PITPNC1: variants seen among roughly 807,000 people sequenced by gnomAD.
The protein encoded by PITPNC1 is phosphatidylinositol transfer protein cytoplasmic 1.
In PITPNC1, 18 loss-of-function variants were observed where a neutral mutation model predicts 44.7. The ratio of observed to expected loss-of-function variants is 0.40; its 90% CI spans 0.28 to 0.60. The LOEUF (loss-of-function observed/expected upper bound fraction) is 0.60, where lower values mean the gene tolerates loss of function less well. Among genes scored for constraint, PITPNC1 ranks in the 20% least tolerant of loss-of-function variants. The pLI, the probability that PITPNC1 is intolerant of heterozygous loss-of-function variation, is 0.39. For synonymous variants in PITPNC1, 141 were observed against 149.6 expected, an observed-to-expected ratio of 0.94 and a Z score of 0.42; for missense variants, 290 against 418.4, an observed-to-expected ratio of 0.69 and a Z score of 2.68.
At chr17:67,482,349 A>G (rs1034326227) in intron 1 of PITPNC1, among the ~76,000 whole-genome samples, 4 of 152,234 alleles carry the variant, frequency 2.6e-5, no homozygotes, top group Admixed American at 6.5e-5. Flanking sequence ...AAAAGCATAG[A>G]GAGTTTTTTT....
chr17:67,529,161 G>C (rs1253612592), intron 1 of PITPNC1, among the ~76,000 whole-genome samples: 1 of 152,148 alleles, frequency 6.6e-6, no homozygotes, highest in African/African-American at 2.4e-5. Context: ...GAGGCCGGCC[G>C]CCCAGCCCTC....
intron 5 of PITPNC1, among the ~76,000 whole-genome samples, chr17:67,631,053 G>A (rs12951258): frequency 0.4 from 51,197 of 127,192 alleles, 11,315 homozygotes; most frequent in Non-Finnish European, 0.52. Flanking sequence ...TGTTGTTGTT[G>A]TTATTATTAT....
intron 1 of PITPNC1, among the ~76,000 whole-genome samples, chr17:67,513,408 C>T (rs374537994): frequency 1.2e-4 from 15 of 129,946 alleles, no homozygotes; most frequent in African/African-American, 4.4e-4. Flanking sequence ...TCTATATCTA[C>T]ATCTACATAT....
intron 5 of PITPNC1, among the ~76,000 whole-genome samples, chr17:67,629,098 C>T (rs1185971733): frequency 1.3e-5 from 2 of 152,184 alleles, no homozygotes; most frequent in African/African-American, 2.4e-5. Flanking sequence ...GAGAAAGCTA[C>T]ATAACCTGTC....
Position 67,596,180 on chromosome 17 carries a change from C to T in PITPNC1, c.366+17923C>T, listed in dbSNP as rs768749465. 7.2e-5 allele frequency among the ~76,000 whole-genome samples: 11 copies of T among 152,214 alleles called. No individual in the cohort carries two copies. In the East Asian group the frequency reaches 1.5e-3, roughly 21 times the overall value. On this transcript the variant is annotated intron_variant, in intron 5 of 8. Transcript: ENST00000581322. ...TATGAAACATATTAAGGAACGTCCT[C>T]GGGAATGAAGGACACTGGAAAGACT... is the stretch of plus-strand genomic sequence containing the variant.
intron 1 of PITPNC1, among the ~76,000 whole-genome samples, chr17:67,480,377 A>G (rs576088249): frequency 6.6e-6 from 1 of 152,326 alleles, no homozygotes; most frequent in South Asian, 2.1e-4. Context: ...ATAATTTGAC[A>G]GATATGTAAA....
At chr17:67,425,186 T>TGCGC (rs1386197600) in intron 1 of PITPNC1, among the ~76,000 whole-genome samples, 679 of 55,640 alleles carry the variant, frequency 0.012, 50 homozygotes, top group African/African-American at 0.018. Context: ...AGCCATGTTG[T>TGCGC]GCGCGCGCAC....
intron 1 of PITPNC1, among the ~76,000 whole-genome samples, chr17:67,446,271 C>T (rs989723939): frequency 1.3e-5 from 2 of 151,772 alleles, no homozygotes; most frequent in African/African-American, 4.8e-5. Context: ...TCTCTGTGTG[C>T]GCATGTCCTG....
chr17:67,615,773 C>T (rs1364619071), intron 5 of PITPNC1, among the ~76,000 whole-genome samples: 4 of 152,074 alleles, frequency 2.6e-5, no homozygotes, highest in Non-Finnish European at 4.4e-5. Flanking sequence ...GAAATTGGAG[C>T]TATTTTTAAG....
chr17:67,626,394 A>G (rs1032270936), intron 5 of PITPNC1, among the ~76,000 whole-genome samples: 1 of 152,138 alleles, frequency 6.6e-6, no homozygotes, highest in Non-Finnish European at 1.5e-5. Context: ...TATTTGAGAC[A>G]AAGTCTTGCC....
chr17:67,462,534 A>C (rs1040943866), intron 1 of PITPNC1, among the ~76,000 whole-genome samples: 26 of 151,424 alleles, frequency 1.7e-4, no homozygotes, highest in African/African-American at 5.1e-4. Context: ...GCCTGGCTGC[A>C]CTTTTTCTTT....
chr17:67,487,376 T>C (rs1172038105), intron 1 of PITPNC1, among the ~76,000 whole-genome samples: 1 of 152,080 alleles, frequency 6.6e-6, no homozygotes, highest in Non-Finnish European at 1.5e-5. Context: ...GGCTTCACCA[T>C]GTTGACCAGG....
At chr17:67,660,889 C>T (rs1202289475) in intron 6 of PITPNC1, among the ~76,000 whole-genome samples, 3 of 145,910 alleles carry the variant, frequency 2.1e-5, no homozygotes, top group East Asian at 2.0e-4. Context: ...GATGGAGTCT[C>T]GCTCGGTCAC....
intron 7 of PITPNC1, among the ~76,000 whole-genome samples, chr17:67,671,319 T>C (rs2042508553): frequency 6.6e-6 from 1 of 152,256 alleles, no homozygotes; most frequent in African/African-American, 2.4e-5. Context: ...GTAGCTGCTC[T>C]CATTTTCATA....
intron 5 of PITPNC1, among the ~76,000 whole-genome samples, chr17:67,630,158 G>A (rs2041947827): frequency 6.6e-6 from 1 of 152,172 alleles, no homozygotes; most frequent in Non-Finnish European, 1.5e-5. Context: ...TTTGGGTTAG[G>A]ACAGTGTTCT....
intron 8 of PITPNC1, among the ~76,000 whole-genome samples, chr17:67,689,872 T>C (rs980504898): frequency 4.6e-5 from 7 of 152,234 alleles, no homozygotes; most frequent in African/African-American, 1.4e-4. Flanking sequence ...AAAATTTTTC[T>C]CAGTCTCAAC....
In PITPNC1 at chr17:67,676,208, GAA is replaced by G. The variant is rs74446011; in HGVS notation, c.682+679_682+680del. Among the ~76,000 whole-genome samples the G allele has an allele frequency of 8.7e-5, 11 of 126,868 alleles. No individual in the cohort carries two copies. The highest frequency in any genetic ancestry group is 1.6e-4 in the Admixed American group (2 of 12,218). The allele number at this position is 126,868 out of a possible 152,430, so 83.2% of individuals were successfully genotyped here. ...GGGGACAGAGCGAGACTCCGTCTCG[GAA>G]AAAAAAAAAAAAGAAAGAAAGAAAC... On this transcript the variant is annotated intron_variant, in intron 8 of 8. Coordinates refer to ENST00000581322, the MANE Select transcript of PITPNC1 (RefSeq NM_012417.4). The surrounding 1 kb of genome is among the most constrained non-coding windows in gnomAD (Gnocchi z 4.0).
At chr17:67,668,882 A>G (rs1598962741) in intron 6 of PITPNC1, among the ~76,000 whole-genome samples, 2 of 152,134 alleles carry the variant, frequency 1.3e-5, no homozygotes, top group South Asian at 2.1e-4. Flanking sequence ...AAGAAAGAAA[A>G]AAAGAGAAAA....
At chr17:67,409,879 G>T (rs1259158463) in intron 1 of PITPNC1, among the ~76,000 whole-genome samples, 1 of 152,112 alleles carries the variant, frequency 6.6e-6, no homozygotes, top group Non-Finnish European at 1.5e-5. Context: ...AGTATCCTTT[G>T]TATAAATCTG....
Sources: allele counts gnomAD v4.1 joint callset (sites outside exome capture counted in the v4.1 genomes callset), GRCh38; gene constraint gnomAD v4.1.1; non-coding constraint Gnocchi (gnomAD v3.1); transcripts MANE v1.5; gene names NCBI Gene and HGNC (gene_info 2026-07-23, HGNC 2026-07-21).